Variants in PTPRT observed in about 807,000 individuals in gnomAD.
PTPRT encodes the protein receptor-type tyrosine-protein phosphatase T.
A neutral mutation model predicts 176.8 loss-of-function variants in PTPRT; 56 were observed. That is an observed-to-expected ratio of 0.32 (90% CI 0.26 to 0.40). PTPRT has a LOEUF of 0.40. Ranked by LOEUF, PTPRT falls within the 10% of genes least tolerant of loss-of-function variation. The pLI is 1.00. For missense variants in PTPRT, 1,540 were observed against 1,908.2 expected (o/e 0.81, Z 3.60); for synonymous variants, 783 against 739.0 (o/e 1.06, Z -0.96).
intron 2 of PTPRT, among the ~76,000 whole-genome samples, chr20:42,842,590 T>C (rs552802134): frequency 2.8e-4 from 43 of 151,978 alleles, no homozygotes; most frequent in Middle Eastern, 6.8e-3. Flanking sequence ...CAACAAATTT[T>C]TGTATTTTTA....
intron 8 of PTPRT, among the ~76,000 whole-genome samples, chr20:42,465,035 G>T (rs1017672484): frequency 6.6e-6 from 1 of 151,762 alleles, no homozygotes; most frequent in Non-Finnish European, 1.5e-5. Context: ...GTGATTAACT[G>T]TATTAAATAT....
the PTPRT span, among the ~76,000 whole-genome samples, chr20:42,055,234 C>A: frequency 6.6e-6 from 1 of 152,200 alleles, no homozygotes; most frequent in East Asian, 1.9e-4. Context: ...AATAAAAAGG[C>A]ATTTCTTAAA....
At chr20:42,500,726 T>C (rs2071737338) in intron 7 of PTPRT, among the ~76,000 whole-genome samples, 2 of 152,282 alleles carry the variant, frequency 1.3e-5, no homozygotes, top group East Asian at 1.9e-4. Context: ...TGACTGAAGA[T>C]GTCCCTCATC....
intron 16 of PTPRT, among the ~76,000 whole-genome samples, chr20:42,182,828 C>T (rs1202243461): frequency 6.6e-6 from 1 of 152,018 alleles, no homozygotes; most frequent in African/African-American, 2.4e-5. Context: ...CCGTAGAACA[C>T]CTTCTCTCTA....
chr20:42,575,887 G>A (rs1356689608), intron 7 of PTPRT, among the ~76,000 whole-genome samples: 1 of 152,050 alleles, frequency 6.6e-6, no homozygotes, highest in Non-Finnish European at 1.5e-5. Context: ...CTCCCCGCCT[G>A]CCTCCTCCAT....
intron 7 of PTPRT, among the ~76,000 whole-genome samples, chr20:42,581,051 C>T (rs1601315160): frequency 6.6e-6 from 1 of 152,152 alleles, no homozygotes; most frequent in East Asian, 1.9e-4. Flanking sequence ...CCTTCACACA[C>T]TCAGCTCTAG....
intron 13 of PTPRT, among the ~76,000 whole-genome samples, chr20:42,251,553 TG>T (rs1340074860): frequency 1.3e-5 from 2 of 151,820 alleles, no homozygotes; most frequent in Non-Finnish European, 2.9e-5. Flanking sequence ...AATAGATACT[TG>T]CATAATTAAA....
In PTPRT at chr20:42,646,760, C is replaced by A. The variant is rs77153656; in HGVS notation, c.1153+31106G>T. On this transcript the variant is annotated intron_variant, in intron 7 of 30. Transcript: ENST00000373187. The stretch of plus-strand genomic sequence containing the variant: ...AAAACTAAGGGGATACTTAACCTGA[C>A]CACATTCTGACTCAACCCCACCCAC... 2.0e-4 allele frequency among the ~76,000 whole-genome samples: 31 copies of A among 151,970 alleles called. 1 individual carries two copies. In the East Asian group the frequency reaches 6.0e-3, roughly 29 times the overall value.
chr20:42,905,515 C>T (rs552554640), intron 1 of PTPRT, among the ~76,000 whole-genome samples: 7 of 152,166 alleles, frequency 4.6e-5, no homozygotes, highest in Non-Finnish European at 1.0e-4. Context: ...GTGGCGATTC[C>T]TCAAGGATCT....
At chr20:42,475,564 A>G (rs1406328067) in intron 7 of PTPRT, among the ~76,000 whole-genome samples, 2 of 152,188 alleles carry the variant, frequency 1.3e-5, no homozygotes, top group African/African-American at 4.8e-5. Flanking sequence ...GAACATAAAT[A>G]TGAGGCATGT....
chr20:43,058,465 GC>G (rs1413964670), intron 1 of PTPRT, among the ~76,000 whole-genome samples: 1 of 151,890 alleles, frequency 6.6e-6, no homozygotes, highest in African/African-American at 2.4e-5. Context: ...GAGAGGGAAG[GC>G]AAGAGAAAAT....
intron 1 of PTPRT, among the ~76,000 whole-genome samples, chr20:43,010,513 T>C (rs144239118): frequency 6.4e-4 from 97 of 152,140 alleles, no homozygotes; most frequent in Non-Finnish European, 1.2e-3. Context: ...AACCTAGAAC[T>C]TTGGAAAGTG....
At chr20:42,130,562 A>G (rs1988077204) in intron 18 of PTPRT, among the ~76,000 whole-genome samples, 1 of 152,194 alleles carries the variant, frequency 6.6e-6, no homozygotes, top group Non-Finnish European at 1.5e-5. Flanking sequence ...TGCAATGCAC[A>G]CTAGAGTGGG....
chr20:42,738,776 A>C lies in PTPRT; in HGVS notation c.859+17686T>G, dbSNP rs189285182. ...GTGTATATTTCTATACTAATTTAAC[A>C]AAGTGGCAAATGGGGCTGGGCACAG... On this transcript the variant is annotated intron_variant, in intron 6 of 30. Coordinates refer to ENST00000373187, the MANE Select transcript of PTPRT (RefSeq NM_007050.6). 3.0e-3 allele frequency among the ~76,000 whole-genome samples: 456 copies of C among 152,274 alleles called. 2 individuals carry two copies. Among genetic ancestry groups the C allele is most frequent in the African/African-American group, 0.01 (426 of 41,558 alleles).
At chr20:42,868,138 T>G (rs745875657) in intron 2 of PTPRT, among the ~76,000 whole-genome samples, 2 of 152,220 alleles carry the variant, frequency 1.3e-5, no homozygotes, top group Non-Finnish European at 2.9e-5. Flanking sequence ...TAGAGATTCA[T>G]GCTGCAAAGA....
At chr20:42,809,833 A>AAGTTAACT (rs2077669994) in intron 2 of PTPRT, among the ~76,000 whole-genome samples, 1 of 152,086 alleles carries the variant, frequency 6.6e-6, no homozygotes, top group Non-Finnish European at 1.5e-5. Flanking sequence ...CCTTAACTCA[A>AAGTTAACT]CTGCATCTGC....
At chr20:42,052,359 C>A in the PTPRT span, among the ~76,000 whole-genome samples, 1 of 152,210 alleles carries the variant, frequency 6.6e-6, no homozygotes, top group African/African-American at 2.4e-5. Flanking sequence ...GCAGCCACAG[C>A]CAGTCTGGGT....
intron 6 of PTPRT, among the ~76,000 whole-genome samples, chr20:42,710,809 T>C (rs997877291): frequency 8.5e-5 from 13 of 152,176 alleles, no homozygotes; most frequent in Admixed American, 7.9e-4. Flanking sequence ...AAACAGAAGG[T>C]ACTCAACTCC....
In PTPRT at chr20:42,551,759, G is replaced by C. The variant is rs1229218539; in HGVS notation, c.1154-79197C>G. On this transcript the variant is annotated intron_variant, in intron 7 of 30. Transcript: ENST00000373187. Reference sequence around the variant, plus strand: ...TCTGGCTGACTAGCCCTGCCTTCTGGAACCCTTCACCTACCTAGGTTTTCC... The same window carrying C: ...TCTGGCTGACTAGCCCTGCCTTCTGCAACCCTTCACCTACCTAGGTTTTCC... Among the ~76,000 whole-genome samples, 5 of 152,114 alleles carry C rather than the reference G, an allele frequency of 3.3e-5. No homozygotes were observed. The South Asian group carries it at 1.0e-3, about 31-fold the overall frequency.
Sources: gnomAD v4.1 joint callset for allele counts (sites outside exome capture counted in the v4.1 genomes callset) on GRCh38, gnomAD v4.1.1 for gene constraint, MANE v1.5 for transcripts, NCBI Gene and HGNC (gene_info 2026-07-23, HGNC 2026-07-21) for gene names.